Variants in AIFM3 observed in about 807,000 individuals in gnomAD.
AIFM3 encodes the protein AIF family member 3, also known as apoptosis-inducing factor 3.
Under a neutral mutation model 82.7 loss-of-function variants are expected in AIFM3, and 71 were observed. The observed-to-expected ratio is 0.86, with a 90% confidence interval of 0.71 to 1.05. AIFM3 has a LOEUF of 1.05. AIFM3 is among the 50% of genes least tolerant of loss of function. AIFM3 has a pLI of 0.00. For missense variants in AIFM3, 748 were observed against 816.7 expected (o/e 0.92, Z 1.03); for synonymous variants, 337 against 329.1 (o/e 1.02, Z -0.26).
chr22:20,969,383 G>T (rs1416434878), intron 2 of AIFM3, among the ~76,000 whole-genome samples: 1 of 152,158 alleles, frequency 6.6e-6, no homozygotes, highest in Non-Finnish European at 1.5e-5. Context: ...TCATTGTAAA[G>T]TGGGGCTGTT....
chr22:20,968,072 G>C (rs1601698488), intron 2 of AIFM3, 97 bp downstream of exon 2: 2 of 1,344,336 alleles, frequency 1.5e-6, no homozygotes, highest in Non-Finnish European at 2.0e-6. Flanking sequence ...GTAGGCCTCC[G>C]AAGTAGGTCA....
At chr22:20,979,739 G>T in intron 18 of AIFM3, 37 bp downstream of exon 18, 1 of 1,611,578 alleles carries the variant, frequency 6.2e-7, no homozygotes. Context: ...GCGAAGCAGC[G>T]GGAGCTCAGT....
At position 20,974,603 on chromosome 22, in the gene AIFM3, G is replaced by T. The variant is rs1221134943; in HGVS notation, c.589G>T (p.Val197Leu). Residue 197 changes from valine (V) to leucine (L), a missense_variant, in exon 7 of 21, where the codon GTG (valine) becomes TTG (leucine). Coordinates refer to ENST00000440238, the MANE Select transcript of AIFM3 (RefSeq NM_001386814.1). ...TGCTGGGTACAGCAGTAGCACCAAT[G>T]TGCTCATTGTGGGTGCAGGTTGGTA... ...PSAGYSSSTN[V>L]LIVGAGAAGL... 6.2e-7 allele frequency: 1 copy of T among 1,613,790 alleles called. No individual in the cohort carries two copies. Among genetic ancestry groups the T allele is most frequent in the Non-Finnish European group, 8.5e-7 (1 of 1,179,896 alleles).
chr22:20,966,068 A>G (rs1363740214), upstream of AIFM3, among the ~76,000 whole-genome samples: 1 of 152,168 alleles, frequency 6.6e-6, no homozygotes, highest in Non-Finnish European at 1.5e-5. Flanking sequence ...GGCCGAAGGC[A>G]CAGGGGCCCC....
At position 20,979,279 on chromosome 22, in the gene AIFM3, G is replaced by C; in HGVS notation, c.1486G>C (p.Ala496Pro). ...GGCCCTGGGTCCCGCAGGGCGCGTG[G>C]CAGCCCAGAACATGTTGGCGCAGGA... ...WQMAHAQGRV[A>P]AQNMLAQEAE... Residue 496 changes from alanine to proline, a missense_variant, in exon 17 of 21, where the codon GCA becomes CCA. Physicochemically the swap from Ala to Pro is conservative, Grantham distance 27. Transcript: ENST00000440238. 11 of 1,556,178 alleles carry C rather than the reference G, an allele frequency of 7.1e-6. No individual in the cohort carries two copies. The highest frequency in any genetic ancestry group is 9.6e-6 in the Non-Finnish European group (11 of 1,149,440).
chr22:20,977,444 G>A, intron 14 of AIFM3: 1 of 605,466 alleles, frequency 1.7e-6, no homozygotes, highest in South Asian at 2.0e-5. Flanking sequence ...AGGGGCTGAG[G>A]AGGTATGGCA....
chr22:20,976,943 G>GCCCTTCT lies in AIFM3; in HGVS notation c.1218+17_1218+23dup, dbSNP rs750526067. The GCCCTTCT allele has an allele frequency of 3.1e-6, 5 of 1,612,480 alleles. No individual in the cohort carries two copies. In the South Asian group the frequency reaches 4.4e-5, roughly 14 times the overall value. ...CTGCGGGGCCAGGAGGGAAAGGTGGGCCCTTCTCCCTTCTCCCTGCTGCTT... is the reference window on the plus strand; with the variant it reads ...CTGCGGGGCCAGGAGGGAAAGGTGGGCCCTTCTCCCTTCTCCCTTCTCCCTGCTGCTT... On this transcript the variant is annotated splice_donor_region_variant and intron_variant, in intron 13 of 20. Transcript: ENST00000440238.
chr22:20,977,663 G>T (rs751403690), intron 14 of AIFM3, 37 bp from the exon 15 acceptor site: 2 of 1,612,578 alleles, frequency 1.2e-6, no homozygotes, highest in Non-Finnish European at 1.7e-6. Flanking sequence ...GCAGAAGGCA[G>T]GGACAGGGGA....
chr22:20,980,514 G>A (rs1846378538), intron 19 of AIFM3: 2 of 614,838 alleles, frequency 3.3e-6, no homozygotes, highest in Admixed American at 2.7e-5. Flanking sequence ...TGGTGGGGGT[G>A]GTTCTAGGTT....
Position 20,980,099 on chromosome 22 carries a change from CG to C in AIFM3, c.1733del (p.Arg578LeufsTer65). On this transcript the variant is annotated frameshift_variant, in exon 19 of 21. Coordinates refer to ENST00000440238, the MANE Select transcript of AIFM3 (RefSeq NM_001386814.1). LOFTEE classifies it high-confidence loss of function. Reference sequence around the variant, plus strand: ...GGTCGCTGAGGTGCTGGCCTCAGGCCGTGCCATCCGGAAGCGGGAGGTGGAG... The same window carrying C: ...GGTCGCTGAGGTGCTGGCCTCAGGCCTGCCATCCGGAAGCGGGAGGTGGAG... ...SKVAEVLASGRAIRKREVELF... is the reference protein window; with the variant it reads ...SKVAEVLASGXAIRKREVELF... 1.9e-6 allele frequency: 3 copies of C among 1,609,476 alleles called. No homozygotes were observed. Among genetic ancestry groups the C allele is most frequent in the Non-Finnish European group, 2.5e-6 (3 of 1,179,978 alleles).
At chr22:20,976,163 G>A in intron 9 of AIFM3, 52 bp from the exon 10 acceptor site, 1 of 1,400,312 alleles carries the variant, frequency 7.1e-7, no homozygotes, top group Non-Finnish European at 9.4e-7. Context: ...GGAGTGGGCG[G>A]CGAGGCCCAG....
Position 20,980,957 on chromosome 22 carries a change from TTC to T in AIFM3, c.1779-33_1779-32del, listed in dbSNP as rs773618748. On this transcript the variant is annotated intron_variant, in intron 20 of 20. Transcript: ENST00000440238. ...TGCCCAGAGTGGAGAGCCTGTTTTC[TTC>T]TGTCTTGACCCCTCCTCCCCTCACT... is the stretch of plus-strand genomic sequence containing the variant. 38 of 1,614,136 alleles carry T rather than the reference TTC, an allele frequency of 2.4e-5. No homozygotes were observed. In the East Asian group the frequency reaches 8.0e-4, roughly 34 times the overall value.
At position 20,976,596 on chromosome 22, in the gene AIFM3, A is replaced by T. The variant is rs900361173; in HGVS notation, c.1031-55A>T. The T allele has an allele frequency of 4.3e-6, 7 of 1,613,022 alleles. No homozygotes were observed. The African/African-American group carries it at 9.3e-5, about 22-fold the overall frequency. Reference sequence around the variant, plus strand: ...AGGTCGTCATGGCCAGTCCCAGGGAAGTTCTGGTCGAGGAAGGTGCAGGTG... The same window carrying T: ...AGGTCGTCATGGCCAGTCCCAGGGATGTTCTGGTCGAGGAAGGTGCAGGTG... On this transcript the variant is annotated intron_variant, in intron 11 of 20. Coordinates refer to ENST00000440238, the MANE Select transcript of AIFM3 (RefSeq NM_001386814.1).
intron 2 of AIFM3, among the ~76,000 whole-genome samples, chr22:20,971,246 A>C (rs534334846): frequency 6.6e-5 from 10 of 152,196 alleles, no homozygotes; most frequent in African/African-American, 2.4e-4. Flanking sequence ...ACATTCTAAC[A>C]CCATTACATA....
intron 2 of AIFM3, among the ~76,000 whole-genome samples, chr22:20,971,503 A>T (rs536788520): frequency 6.6e-6 from 1 of 152,284 alleles, no homozygotes; most frequent in African/African-American, 2.4e-5. Context: ...CAGCCAGGAG[A>T]GGCAACTCCT....
chr22:20,979,502 G>C, intron 17 of AIFM3, 125 bp from the exon 18 acceptor site: 1 of 1,475,638 alleles, frequency 6.8e-7, no homozygotes, highest in South Asian at 1.2e-5. Flanking sequence ...CTCGCTGGCG[G>C]CAAGGCTACG....
intron 8 of AIFM3, among the ~76,000 whole-genome samples, chr22:20,975,245 G>A (rs1434332908): frequency 6.6e-6 from 1 of 151,896 alleles, no homozygotes; most frequent in Non-Finnish European, 1.5e-5. Context: ...AGGATTACAG[G>A]TGTGAGCCAC....
At chr22:20,977,221 C>A (rs1007397368) in intron 14 of AIFM3, 126 bp downstream of exon 14, 49 of 1,257,068 alleles carry the variant, frequency 3.9e-5, no homozygotes, top group Middle Eastern at 5.4e-4. Context: ...CAAATGGGAA[C>A]CCCCAACCGC....
chr22:20,968,037 T>TC (rs11334069), intron 2 of AIFM3, 62 bp downstream of exon 2: 73 of 1,451,820 alleles, frequency 5.0e-5, no homozygotes, highest in Non-Finnish European at 6.4e-5. Context: ...CTCCCCCGTC[T>TC]CCCCCCCCTC....
Sources: allele counts gnomAD v4.1 joint callset (sites outside exome capture counted in the v4.1 genomes callset), GRCh38; gene constraint gnomAD v4.1.1; transcripts MANE v1.5; gene names NCBI Gene and HGNC (gene_info 2026-07-23, HGNC 2026-07-21).